The following ABLIM2 variants were observed in gnomAD, a reference collection of about 807,000 sequenced individuals.
ABLIM2 encodes actin binding LIM protein family member 2, also known as actin-binding LIM protein 2.
Under a neutral mutation model 97.7 loss-of-function variants are expected in ABLIM2, and 53 were observed. The ratio of observed to expected loss-of-function variants is 0.54; its 90% CI spans 0.44 to 0.68. The LOEUF (loss-of-function observed/expected upper bound fraction) is 0.68. Ranked by LOEUF, ABLIM2 falls within the 30% of genes least tolerant of loss-of-function variation. The pLI is 0.00. For missense variants in ABLIM2, 835 were observed against 867.2 expected, an observed-to-expected ratio of 0.96 and a Z score of 0.47; for synonymous variants, 361 against 345.8, an observed-to-expected ratio of 1.04 and a Z score of -0.49.
In ABLIM2 at chr4:8,003,561, CTTTTTTT is replaced by C. The variant is rs796877068; in HGVS notation, c.1618+4491_1618+4497del. On this transcript the variant is annotated intron_variant, in intron 16 of 20. Transcript: ENST00000447017. The surrounding 1 kb of genome is among the most constrained non-coding windows in gnomAD (Gnocchi z 4.2). The stretch of plus-strand genomic sequence containing the variant: ...ACCACTACGCTCTTCTTCCAGTTTT[CTTTTTTT>C]TTTTTTTTTTTTTTGGAGATGGAGT... Among the ~76,000 whole-genome samples the C allele has an allele frequency of 2.9e-3, 344 of 120,182 alleles. No individual in the cohort carries two copies. The highest frequency in any genetic ancestry group is 9.1e-3 in the African/African-American group (301 of 33,074). The allele number at this position is 120,182 out of a possible 152,430, so 78.8% of individuals were successfully genotyped here. A position where few individuals can be genotyped will look rare whatever the true frequency, so the allele number is the denominator to read the frequency against.
rs953218997 is a variant in ABLIM2 at position 8,071,537 on chromosome 4, A to C, written c.675+6091T>G. Among the ~76,000 whole-genome samples the C allele has an allele frequency of 1.3e-5, 2 of 152,072 alleles. No homozygotes were observed. Among genetic ancestry groups the C allele is most frequent in the Non-Finnish European group, 2.9e-5 (2 of 67,990 alleles). On this transcript the variant is annotated intron_variant, in intron 6 of 20. Coordinates refer to ENST00000447017, the MANE Select transcript of ABLIM2 (RefSeq NM_001130083.2). The surrounding 1 kb of genome is among the most constrained non-coding windows in gnomAD (Gnocchi z 6.2). Reference sequence around the variant, plus strand: ...TGCCCACCACACGCAGACACAGCACAGGCGAGGGCTCGGCTGGCAGTGGGA... The same window carrying C: ...TGCCCACCACACGCAGACACAGCACCGGCGAGGGCTCGGCTGGCAGTGGGA...
chr4:8,103,015 C>T (rs893217912), intron 2 of ABLIM2, among the ~76,000 whole-genome samples: 10 of 152,304 alleles, frequency 6.6e-5, no homozygotes, highest in Middle Eastern at 3.4e-3. Context: ...GCATGCCATG[C>T]GGTGAGAACG....
chr4:8,158,599 C>G, intron 1 of ABLIM2, 81 bp downstream of exon 1: 1 of 1,469,274 alleles, frequency 6.8e-7, no homozygotes, highest in Non-Finnish European at 9.1e-7. Context: ...GTTGCAGGTG[C>G]AGCCTCCGAA....
intron 14 of ABLIM2, chr4:8,010,330 G>A (rs1764111993): frequency 1.0e-6 from 1 of 976,526 alleles, no homozygotes; most frequent in African/African-American, 1.8e-5. Flanking sequence ...CAGAAACACT[G>A]ACCCCATGCA....
rs1712020938 is a variant in ABLIM2 at position 8,149,855 on chromosome 4, C to T, written c.10+8825G>A. Among the ~76,000 whole-genome samples the T allele has an allele frequency of 6.6e-6, 1 of 152,002 alleles. No individual in the cohort carries two copies. Among genetic ancestry groups the T allele is most frequent in the Non-Finnish European group, 1.5e-5 (1 of 67,998 alleles). ...ACAGGACGGGGCCTATGGAGTAAGACCCCACACAGCCGGTCCCTCTGTGGG... is the reference window on the plus strand; with the variant it reads ...ACAGGACGGGGCCTATGGAGTAAGATCCCACACAGCCGGTCCCTCTGTGGG... On this transcript the variant is annotated intron_variant, in intron 1 of 20. Transcript: ENST00000447017. The surrounding 1 kb of genome is among the most constrained non-coding windows in gnomAD (Gnocchi z 6.4).
intron 6 of ABLIM2, among the ~76,000 whole-genome samples, chr4:8,062,841 G>A (rs1307829533): frequency 6.6e-6 from 1 of 152,166 alleles, no homozygotes; most frequent in Non-Finnish European, 1.5e-5. Flanking sequence ...TCAACTGCTG[G>A]CTCACTGCAT....
intron 1 of ABLIM2, among the ~76,000 whole-genome samples, chr4:8,110,555 AAAC>A (rs1238006607): frequency 2.0e-5 from 3 of 152,078 alleles, no homozygotes; most frequent in African/African-American, 7.2e-5. Context: ...CCAACCCAGC[AAAC>A]AACAAGTGCT....
chr4:8,012,595 C>G (rs945991976), intron 14 of ABLIM2, among the ~76,000 whole-genome samples: 1 of 147,996 alleles, frequency 6.8e-6, no homozygotes, highest in Non-Finnish European at 1.5e-5. Context: ...CCATTCTTCA[C>G]CCATCCATCG....
chr4:7,988,090 C>T (rs1578020032), intron 17 of ABLIM2, among the ~76,000 whole-genome samples: 1 of 151,778 alleles, frequency 6.6e-6, no homozygotes, highest in East Asian at 1.9e-4. Context: ...GTGGTGTGAT[C>T]TCGGCTCACT....
chr4:8,077,458 G>A (rs1408769450), intron 6 of ABLIM2, among the ~76,000 whole-genome samples, 170 bp downstream of exon 6: 1 of 152,220 alleles, frequency 6.6e-6, no homozygotes, highest in Non-Finnish European at 1.5e-5. Context: ...CACTGGGCAG[G>A]CCCTGGACAG....
intron 12 of ABLIM2, among the ~76,000 whole-genome samples, chr4:8,026,444 G>A (rs1011745602): frequency 6.6e-6 from 1 of 152,256 alleles, no homozygotes; most frequent in Admixed American, 6.5e-5. Context: ...TGATGATGAG[G>A]TACACGGAGA....
chr4:8,027,838 AC>A lies in ABLIM2; in HGVS notation c.1187del (p.Gly396ValfsTer65). The stretch of plus-strand genomic sequence containing the variant: ...GGGACAGGGAGAGGCAGCTACTGGT[AC>A]CCACACTCACAGTACCAGCTACGGG... ...YSRPAGTVSV[G>X]TSSCLSLSQH... On this transcript the variant is annotated frameshift_variant, in exon 12 of 21. Transcript: ENST00000447017. LOFTEE classifies it high-confidence loss of function. 6.3e-7 allele frequency: 1 copy of A among 1,596,850 alleles called. No individual in the cohort carries two copies. Among genetic ancestry groups the A allele is most frequent in the Non-Finnish European group, 8.5e-7 (1 of 1,172,408 alleles).
At position 8,015,968 on chromosome 4, in the gene ABLIM2, T is replaced by C. The variant is rs557443797; in HGVS notation, c.1423+3650A>G. On this transcript the variant is annotated intron_variant, in intron 14 of 20. Transcript: ENST00000447017. The surrounding 1 kb of genome is among the most constrained non-coding windows in gnomAD (Gnocchi z 4.6). The stretch of plus-strand genomic sequence containing the variant: ...TCACCACACTTCCTCATTTTATAAG[T>C]TCAAATCAGATATGAGACGATCGTA... 6.3e-4 allele frequency among the ~76,000 whole-genome samples: 96 copies of C among 152,126 alleles called. No homozygotes were observed. Among genetic ancestry groups the C allele is most frequent in the Non-Finnish European group, 1.1e-3 (74 of 68,008 alleles).
intron 20 of ABLIM2, among the ~76,000 whole-genome samples, chr4:7,971,807 G>A (rs1387387611): frequency 1.3e-5 from 2 of 152,110 alleles, no homozygotes; most frequent in Non-Finnish European, 2.9e-5. Context: ...GAGGGACTCT[G>A]ACACCTCCTT....
At chr4:8,116,824 A>C (rs59349308) in intron 1 of ABLIM2, among the ~76,000 whole-genome samples, 79,033 of 151,828 alleles carry the variant, frequency 0.52, 20,731 homozygotes, top group East Asian at 0.62. Flanking sequence ...CTCCAAAAAA[A>C]ATACTAGGTC....
intron 1 of ABLIM2, among the ~76,000 whole-genome samples, chr4:8,109,131 T>G (rs775174073): frequency 1.1e-3 from 163 of 152,298 alleles, no homozygotes; most frequent in Non-Finnish European, 2.1e-3. Context: ...GTCCCCTGAG[T>G]GCAAGAGCTG....
Position 8,042,099 on chromosome 4 carries a change from C to G in ABLIM2, c.900+3065G>C, listed in dbSNP as rs566003579. Among the ~76,000 whole-genome samples, 4 of 152,264 alleles carry G rather than the reference C, an allele frequency of 2.6e-5. 1 individual carries two copies. In the South Asian group the frequency reaches 8.3e-4, roughly 32 times the overall value. On this transcript the variant is annotated intron_variant, in intron 9 of 20. Coordinates refer to ENST00000447017, the MANE Select transcript of ABLIM2 (RefSeq NM_001130083.2). ...AATACCCCAAAGTACGGAGCCACAGCATGCTGAGGACTTTGACCTAAGGGA... is the reference window on the plus strand; with the variant it reads ...AATACCCCAAAGTACGGAGCCACAGGATGCTGAGGACTTTGACCTAAGGGA...
In ABLIM2 at chr4:7,984,852, G is replaced by C. The variant is rs1742316150; in HGVS notation, c.1722C>G (p.Ser574Arg). Residue 574 changes from serine (S) to arginine (R), a missense_variant, in exon 18 of 21, where the codon AGC (serine) becomes AGG (arginine). By Grantham distance (110) the Ser-to-Arg change is moderately radical. Coordinates refer to ENST00000447017, the MANE Select transcript of ABLIM2 (RefSeq NM_001130083.2). ...LAPCGADPDA[S>R]WGMREYKIYP... ...CGCTCTGTGTACCTCGCATGCCCCA[G>C]CTGGCATCCGGGTCTGCTCCACAGG... The C allele has an allele frequency of 6.2e-7, 1 of 1,605,704 alleles. No homozygotes were observed. Among genetic ancestry groups the C allele is most frequent in the Non-Finnish European group, 8.5e-7 (1 of 1,176,682 alleles).
intron 1 of ABLIM2, among the ~76,000 whole-genome samples, chr4:8,110,254 C>T (rs1199478028): frequency 6.6e-6 from 1 of 152,242 alleles, no homozygotes; most frequent in Non-Finnish European, 1.5e-5. Context: ...GCACAAGCGT[C>T]TCTTCATGAT....
Sources: allele counts gnomAD v4.1 joint callset (sites outside exome capture counted in the v4.1 genomes callset), GRCh38; gene constraint gnomAD v4.1.1; non-coding constraint Gnocchi (gnomAD v3.1); transcripts MANE v1.5; gene names NCBI Gene and HGNC (gene_info 2026-07-23, HGNC 2026-07-21).